Variants in SLC4A10 observed in about 807,000 individuals in gnomAD.
SLC4A10 encodes sodium-driven chloride bicarbonate exchanger.
SLC4A10 carries 42 observed loss-of-function variants against 137.7 expected under a neutral mutation model. The ratio of observed to expected loss-of-function variants is 0.30; its 90% CI spans 0.24 to 0.39. The LOEUF is 0.39. Ranked by LOEUF, SLC4A10 falls within the 10% of genes least tolerant of loss-of-function variation. The pLI is 1.00. For synonymous variants in SLC4A10, 474 were observed against 464.1 expected (o/e 1.02, Z -0.27); for missense variants, 925 against 1,355.0 (o/e 0.68, Z 4.98).
rs117942503 is a variant in SLC4A10, at chr2:161,644,390, G to A, written c.48+19824G>A. 0.023 allele frequency among the ~76,000 whole-genome samples: 3,544 copies of A among 152,130 alleles called. 212 individuals carry two copies. The East Asian group carries it at 0.23, about 10-fold the overall frequency. On this transcript the variant is annotated intron_variant, in intron 1 of 26. Coordinates refer to ENST00000446997, the MANE Select transcript of SLC4A10 (RefSeq NM_001178015.2). ...ACGTTGCTGTAGTGCCAGCTACACA[G>A]GAGGCTGAAGAGAGAGGATTGCTTG...
intron 3 of SLC4A10, among the ~76,000 whole-genome samples, chr2:161,827,402 A>C (rs2058086154): frequency 6.6e-6 from 1 of 152,046 alleles, no homozygotes; most frequent in Non-Finnish European, 1.5e-5. Context: ...GGAGCACCCA[A>C]CCTACAATGC....
intron 23 of SLC4A10, among the ~76,000 whole-genome samples, chr2:161,972,383 A>T (rs1194814906): frequency 6.6e-6 from 1 of 152,150 alleles, no homozygotes; most frequent in Admixed American, 6.5e-5. Flanking sequence ...CATGTAATAT[A>T]TTTCATATAT....
At chr2:161,683,636 A>G (rs1178967896) in intron 1 of SLC4A10, among the ~76,000 whole-genome samples, 5 of 152,178 alleles carry the variant, frequency 3.3e-5, no homozygotes, top group Non-Finnish European at 7.3e-5. Context: ...GCCAAATTTT[A>G]TGCTTTTAGG....
intron 21 of SLC4A10, among the ~76,000 whole-genome samples, chr2:161,959,169 A>T (rs994691780): frequency 2.6e-5 from 4 of 152,186 alleles, no homozygotes; most frequent in Non-Finnish European, 4.4e-5. Flanking sequence ...ATTTGTTGAG[A>T]TAGTGATATC....
chr2:161,897,522 G>A (rs1276732395), intron 11 of SLC4A10, among the ~76,000 whole-genome samples: 2 of 152,126 alleles, frequency 1.3e-5, no homozygotes, highest in Admixed American at 1.3e-4. Flanking sequence ...TACTTAAAAA[G>A]GGTATCTCAA....
In SLC4A10 at chr2:161,681,995, T is replaced by G. The variant is rs192781301; in HGVS notation, c.48+57429T>G. ...TGTATTTTGACTTTTGCTTTTGACT[T>G]TTGAGAGAATGAAGACCTTCAGGGA... On this transcript the variant is annotated intron_variant, in intron 1 of 26. Coordinates refer to ENST00000446997, the MANE Select transcript of SLC4A10 (RefSeq NM_001178015.2). Among the ~76,000 whole-genome samples, 68 of 152,268 alleles carry G rather than the reference T, an allele frequency of 4.5e-4. No homozygotes were observed. The East Asian group carries it at 9.6e-3, about 22-fold the overall frequency.
At chr2:161,795,328 A>G (rs2125557416) in intron 2 of SLC4A10, among the ~76,000 whole-genome samples, 1 of 152,278 alleles carries the variant, frequency 6.6e-6, no homozygotes, top group Non-Finnish European at 1.5e-5. Flanking sequence ...ATGATTAGAC[A>G]GACCATGCTA....
At chr2:161,965,022 AC>A in intron 22 of SLC4A10, 28 bp from the exon 23 acceptor site, 5 of 1,587,636 alleles carry the variant, frequency 3.1e-6, no homozygotes, top group Non-Finnish European at 4.3e-6. Flanking sequence ...TTTTTTTTCC[AC>A]TTTAAACTAG....
intron 4 of SLC4A10, among the ~76,000 whole-genome samples, chr2:161,852,853 C>G (rs1312521430): frequency 6.6e-6 from 1 of 152,120 alleles, no homozygotes; most frequent in Non-Finnish European, 1.5e-5. Context: ...TTTAATTTGT[C>G]TCATCATTTT....
At chr2:161,719,124 G>T (rs943197328) in intron 1 of SLC4A10, among the ~76,000 whole-genome samples, 2 of 151,648 alleles carry the variant, frequency 1.3e-5, no homozygotes, top group South Asian at 2.1e-4. Flanking sequence ...TCATTGTTCA[G>T]TTCCCACCTA....
intron 2 of SLC4A10, among the ~76,000 whole-genome samples, chr2:161,784,205 T>C (rs533201074): frequency 4.7e-4 from 72 of 152,020 alleles, no homozygotes; most frequent in African/African-American, 1.6e-3. Flanking sequence ...TAAGTAGTTA[T>C]GCACCCAACA....
In SLC4A10 at chr2:161,983,371, G is replaced by T; in HGVS notation, c.*219G>T. 1.3e-6 allele frequency: 1 copy of T among 762,920 alleles called. No individual in the cohort carries two copies. The highest frequency in any genetic ancestry group is 1.8e-5 in the African/African-American group (1 of 56,784). The allele number at this position is 762,920 out of a possible 1,614,324, so 47.3% of individuals were successfully genotyped here. ...AATCCACCTTCATACTGTAAGTAGTGCAATACTTGTTTCATTTCTGTGTTT... is the reference window on the plus strand; with the variant it reads ...AATCCACCTTCATACTGTAAGTAGTTCAATACTTGTTTCATTTCTGTGTTT... On this transcript the variant is annotated 3_prime_UTR_variant, in exon 27 of 27. Coordinates refer to ENST00000446997, the MANE Select transcript of SLC4A10 (RefSeq NM_001178015.2).
intron 5 of SLC4A10, among the ~76,000 whole-genome samples, chr2:161,862,341 G>C (rs1400892803): frequency 6.6e-6 from 1 of 152,060 alleles, no homozygotes; most frequent in East Asian, 1.9e-4. Flanking sequence ...AGGCCTCTTT[G>C]CATCAGATTT....
At chr2:161,710,788 A>G (rs771665300) in intron 1 of SLC4A10, 1 of 448,216 alleles carries the variant, frequency 2.2e-6, no homozygotes, top group South Asian at 1.6e-5. Context: ...GTAATTCTTC[A>G]ATTCAGTAAA....
intron 11 of SLC4A10, 100 bp from the exon 12 acceptor site, chr2:161,900,811 G>T: frequency 1.3e-6 from 1 of 783,020 alleles, no homozygotes; most frequent in South Asian, 1.9e-5. Context: ...CTCAGCTATT[G>T]TGCATATTGC....
intron 3 of SLC4A10, among the ~76,000 whole-genome samples, chr2:161,806,675 G>C (rs2056000200): frequency 6.6e-6 from 1 of 152,028 alleles, no homozygotes; most frequent in African/African-American, 2.4e-5. Flanking sequence ...ATCTCCACCT[G>C]AGACCACCTG....
At chr2:161,901,113 A>G (rs1289825865) in intron 12 of SLC4A10, 102 bp downstream of exon 12, 3 of 836,242 alleles carry the variant, frequency 3.6e-6, no homozygotes, top group African/African-American at 1.7e-5. Context: ...GTATACTTTT[A>G]ATACCTGCTT....
At chr2:161,697,737 C>T (rs4664434) in intron 1 of SLC4A10, among the ~76,000 whole-genome samples, 139,184 of 151,800 alleles carry the variant, frequency 0.92, 63,889 homozygotes, top group East Asian at 1. Flanking sequence ...AGTCAGGTAG[C>T]ATGATGCCTC....
At chr2:161,847,963 A>G (rs776707851) in intron 4 of SLC4A10, among the ~76,000 whole-genome samples, 1 of 152,188 alleles carries the variant, frequency 6.6e-6, no homozygotes, top group Non-Finnish European at 1.5e-5. Context: ...TGCTTTCCAC[A>G]GTGGCTGAAC....
Sources: allele counts gnomAD v4.1 joint callset (sites outside exome capture counted in the v4.1 genomes callset), GRCh38; gene constraint gnomAD v4.1.1; transcripts MANE v1.5; gene names NCBI Gene and HGNC (gene_info 2026-07-23, HGNC 2026-07-21).